KIF16B: variants seen among roughly 807,000 people sequenced by gnomAD.
The protein encoded by KIF16B is kinesin family member 16B.
A neutral mutation model predicts 156.3 loss-of-function variants in KIF16B; 98 were observed. The ratio of observed to expected loss-of-function variants is 0.63; its 90% confidence interval spans 0.53 to 0.74. The LOEUF (loss-of-function observed/expected upper bound fraction) is 0.74. Ranked by LOEUF, KIF16B falls within the 30% of genes least tolerant of loss-of-function variation. The pLI is 0.00. For missense variants in KIF16B, 1,421 were observed against 1,606.5 expected (o/e 0.88, Z 1.97); for synonymous variants, 564 against 583.7 (o/e 0.97, Z 0.49).
intron 24 of KIF16B, among the ~76,000 whole-genome samples, chr20:16,320,429 A>T (rs983923404): frequency 6.6e-6 from 1 of 152,208 alleles, no homozygotes; most frequent in African/African-American, 2.4e-5. Flanking sequence ...AAAAAATGTG[A>T]GCCAGCAGGA....
At chr20:16,371,422 T>C (rs2064815139) in intron 21 of KIF16B, among the ~76,000 whole-genome samples, 1 of 151,582 alleles carries the variant, frequency 6.6e-6, no homozygotes. Context: ...GAAACCCTGT[T>C]TCTACTAAAA....
At chr20:16,343,010 T>A (rs1343891945) in intron 23 of KIF16B, among the ~76,000 whole-genome samples, 1 of 152,174 alleles carries the variant, frequency 6.6e-6, no homozygotes, top group Admixed American at 6.5e-5. Flanking sequence ...AAATTGGGCA[T>A]GAAATGGGGT....
At chr20:16,400,036 C>T (rs766558256) in intron 17 of KIF16B, among the ~76,000 whole-genome samples, 11 of 152,160 alleles carry the variant, frequency 7.2e-5, no homozygotes, top group African/African-American at 2.4e-5. Context: ...GATGAATGAC[C>T]ATGCTGCTCC....
chr20:16,508,083 C>T lies in KIF16B; in HGVS notation c.574G>A (p.Val192Ile), dbSNP rs749939448. The T allele has an allele frequency of 1.5e-5, 25 of 1,613,968 alleles. No homozygotes were observed. Among genetic ancestry groups the T allele is most frequent in the Non-Finnish European group, 2.0e-5 (24 of 1,179,940 alleles). Residue 192 changes from valine to isoleucine, a missense_variant, in exon 7 of 26, where the codon GTA becomes ATA. By Grantham distance (29) the Val-to-Ile change is conservative (BLOSUM62 3). Coordinates refer to ENST00000354981, the MANE Select transcript of KIF16B (RefSeq NM_024704.5). ...PYVEDLSKHL[V>I]QNYGDVEELM... The stretch of plus-strand genomic sequence containing the variant: ...TCTTCTACGTCACCATAATTCTGTA[C>T]TAAATGTTTGGATAAATCTGAAAAA...
chr20:16,376,415 A>C (rs1203128504), intron 19 of KIF16B, among the ~76,000 whole-genome samples: 1 of 152,216 alleles, frequency 6.6e-6, no homozygotes, highest in Admixed American at 6.5e-5. Context: ...GTCTGGTCCC[A>C]CATGAATTTA....
chr20:16,406,335 C>T (rs769959224), intron 16 of KIF16B, 39 bp downstream of exon 16: 5 of 1,549,822 alleles, frequency 3.2e-6, no homozygotes, highest in Non-Finnish European at 4.5e-6. Flanking sequence ...TCCTCACATA[C>T]GATCAGTGGT....
chr20:16,447,153 C>T (rs6043954), intron 12 of KIF16B, among the ~76,000 whole-genome samples: 14,934 of 152,114 alleles, frequency 0.098, 1,558 homozygotes, highest in African/African-American at 0.27. Context: ...TTATCTGATT[C>T]ACCTTAGATG....
intron 1 of KIF16B, among the ~76,000 whole-genome samples, chr20:16,544,347 C>T (rs1024066664): frequency 1.3e-5 from 2 of 152,114 alleles, no homozygotes; most frequent in South Asian, 2.1e-4. Context: ...CTGTGGCTCA[C>T]GCCTGTAATC....
intron 22 of KIF16B, 142 bp from the exon 23 acceptor site, chr20:16,356,594 A>G (rs2123154207): frequency 1.1e-6 from 1 of 898,238 alleles, no homozygotes; most frequent in Non-Finnish European, 1.7e-6. Flanking sequence ...TAGAAAAATG[A>G]TGGTTTCCTT....
chr20:16,318,948 GATCAAGT>G (rs1271015977), intron 24 of KIF16B, among the ~76,000 whole-genome samples: 1 of 152,132 alleles, frequency 6.6e-6, no homozygotes, highest in Non-Finnish European at 1.5e-5. Context: ...TCAGCCACGT[GATCAAGT>G]ATCAACAGTG....
intron 12 of KIF16B, among the ~76,000 whole-genome samples, chr20:16,477,071 A>G (rs1035932085): frequency 6.6e-6 from 1 of 152,162 alleles, no homozygotes; most frequent in South Asian, 2.1e-4. Context: ...AAAGGTAAAT[A>G]AGGCATAATT....
intron 22 of KIF16B, among the ~76,000 whole-genome samples, chr20:16,360,509 G>A (rs935400188): frequency 1.4e-4 from 22 of 152,236 alleles, no homozygotes; most frequent in Non-Finnish European, 2.2e-4. Flanking sequence ...ACACCTCTCT[G>A]CAAGCAGAAC....
chr20:16,504,590 T>C, intron 9 of KIF16B, 43 bp from the exon 10 acceptor site: 1 of 1,557,380 alleles, frequency 6.4e-7, no homozygotes, highest in Non-Finnish European at 8.8e-7. Flanking sequence ...CAGCACTCCA[T>C]GTTCCATTTA....
At chr20:16,461,330 T>C (rs1257641021) in intron 12 of KIF16B, among the ~76,000 whole-genome samples, 1 of 152,072 alleles carries the variant, frequency 6.6e-6, no homozygotes, top group Non-Finnish European at 1.5e-5. Context: ...CCAGTTAGAA[T>C]AAAGAACCCA....
At chr20:16,307,638 T>C (rs1037128724) in intron 25 of KIF16B, among the ~76,000 whole-genome samples, 11 of 152,210 alleles carry the variant, frequency 7.2e-5, no homozygotes, top group Admixed American at 2.6e-4. Flanking sequence ...TTAACTAATT[T>C]TATGTCTGTT....
chr20:16,278,836 C>T (rs1289943709), intron 25 of KIF16B, among the ~76,000 whole-genome samples: 5 of 152,344 alleles, frequency 3.3e-5, no homozygotes, highest in Middle Eastern at 3.4e-3. Flanking sequence ...CAGGTCCCCT[C>T]TGCTGAGCCA....
rs189663092 is a variant in KIF16B, at chr20:16,432,015, T to C, written c.1303-2033A>G. Among the ~76,000 whole-genome samples, 375 of 151,770 alleles carry C rather than the reference T, an allele frequency of 2.5e-3. 1 individual carries two copies. The highest frequency in any genetic ancestry group is 8.5e-3 in the African/African-American group (352 of 41,306). On this transcript the variant is annotated intron_variant, in intron 12 of 25. Transcript: ENST00000354981. ...TTCATGTCCCACTCATCAATTAATA[T>C]TTGCCAGAGGAATGAATGAGTGAGT...
At chr20:16,311,132 T>C (rs991093776) in intron 25 of KIF16B, among the ~76,000 whole-genome samples, 18 of 152,192 alleles carry the variant, frequency 1.2e-4, no homozygotes, top group Admixed American at 3.9e-4. Flanking sequence ...CAGAAAGGGC[T>C]CTCTCAGGAC....
chr20:16,356,229 A>G (rs929653134), intron 23 of KIF16B, 101 bp downstream of exon 23: 52 of 1,431,864 alleles, frequency 3.6e-5, no homozygotes, highest in Non-Finnish European at 2.7e-5. Flanking sequence ...CAAACAGGAT[A>G]TTCACATGCA....
Sources: allele counts gnomAD v4.1 joint callset (sites outside exome capture counted in the v4.1 genomes callset), GRCh38; gene constraint gnomAD v4.1.1; transcripts MANE v1.5; gene names NCBI Gene and HGNC (gene_info 2026-07-23, HGNC 2026-07-21).